ZNF699: variants seen among roughly 807,000 people sequenced by gnomAD.
The protein encoded by ZNF699 is zinc finger protein 699.
Under a neutral mutation model 22.5 loss-of-function variants are expected in ZNF699, and 18 were observed. That is an observed-to-expected ratio of 0.80 (90% confidence interval 0.55 to 1.19). The LOEUF is 1.19. Among genes scored for constraint, ZNF699 ranks in the 50% most tolerant of loss-of-function variants. ZNF699 has a pLI of 0.00. For synonymous variants in ZNF699, 241 were observed against 262.3 expected (o/e 0.92, Z 0.78); for missense variants, 670 against 763.4 (o/e 0.88, Z 1.44).
At position 9,306,092 on chromosome 19, in the gene ZNF699, G is replaced by A. The variant is rs938826938; in HGVS notation, c.-5-968C>T. The stretch of plus-strand genomic sequence containing the variant: ...CTAAATCTGCCTGCACAGTACAGTA[G>A]TAGCAGAATAAGAATACTTGGCCAA... On this transcript the variant is annotated intron_variant, in intron 1 of 5. Transcript: ENST00000591998. 6.0e-5 allele frequency among the ~76,000 whole-genome samples: 9 copies of A among 150,274 alleles called. No homozygotes were observed. In the South Asian group the frequency reaches 2.0e-3, roughly 33 times the overall value.
intron 2 of ZNF699, 151 bp downstream of exon 2, chr19:9,304,921 C>CAAAAAAAA: frequency 1.6e-5 from 5 of 303,370 alleles, no homozygotes; most frequent in East Asian, 6.2e-5. Flanking sequence ...GACTCTGTCT[C>CAAAAAAAA]AAAAAAAAAA....
rs2066279109 is a variant in ZNF699 at position 9,294,963 on chromosome 19, T to C, written c.*512A>G. 6.5e-6 allele frequency: 1 copy of C among 152,804 alleles called. No individual in the cohort carries two copies. The highest frequency in any genetic ancestry group is 1.5e-5 in the Non-Finnish European group (1 of 68,540). 9.5% of individuals were successfully genotyped at this position (152,804 alleles called of 1,614,324 possible). ...TTTTGGTTTGTCAATATTATATTGGTTTGTCAATATTATAACGACTACCCA... is the reference window on the plus strand; with the variant it reads ...TTTTGGTTTGTCAATATTATATTGGCTTGTCAATATTATAACGACTACCCA... On this transcript the variant is annotated 3_prime_UTR_variant, in exon 6 of 6. Transcript: ENST00000591998.
chr19:9,299,025 T>G (rs1004981080), intron 3 of ZNF699, among the ~76,000 whole-genome samples: 4 of 152,340 alleles, frequency 2.6e-5, no homozygotes, highest in Admixed American at 6.5e-5. Flanking sequence ...TTCACAAAAG[T>G]TAACGCAAAA....
Position 9,297,442 on chromosome 19 carries a change from A to G in ZNF699, c.324T>C (p.Ala108=), listed in dbSNP as rs2066291157. The change falls in exon 5 of 6, where the codon GCT becomes GCC. Residue 108 remains alanine (A), a synonymous_variant. Coordinates refer to ENST00000591998, the MANE Select transcript of ZNF699 (RefSeq NM_198535.3). The surrounding 1 kb of genome is among the most constrained non-coding windows in gnomAD (Gnocchi z 4.3). ...ETQLKTNESV[A]SQDICGEKIS... ...TTTTTTCTCCACAAATATCTTGTGAAGCAACTGATTCATTAGTTTTAAGTT... is the reference window on the plus strand; with the variant it reads ...TTTTTTCTCCACAAATATCTTGTGAGGCAACTGATTCATTAGTTTTAAGTT... 6.3e-7 allele frequency: 1 copy of G among 1,586,708 alleles called. No individual in the cohort carries two copies. Among genetic ancestry groups the G allele is most frequent in the Non-Finnish European group, 8.5e-7 (1 of 1,173,966 alleles).
rs1032317379 is a variant in ZNF699, at chr19:9,294,452, G to A, written c.*1023C>T. The A allele has an allele frequency of 3.3e-5, 5 of 152,034 alleles. 1 individual carries two copies. In the South Asian group the frequency reaches 1.0e-3, roughly 32 times the overall value. 9.4% of individuals were successfully genotyped at this position (152,034 alleles called of 1,614,324 possible). A position where few individuals can be genotyped will look rare whatever the true frequency, so the allele number is the denominator to read the frequency against. On this transcript the variant is annotated 3_prime_UTR_variant, in exon 6 of 6. Transcript: ENST00000591998. ...ACGTCCAGCTATAACATTCAGTTTT[G>A]AGCAAATATTGATCAATGAGTCCAA...
At position 9,296,562 on chromosome 19, in the gene ZNF699, C is replaced by A. The variant is rs1267471259; in HGVS notation, c.842G>T (p.Cys281Phe). 6.2e-7 allele frequency: 1 copy of A among 1,614,054 alleles called. No individual in the cohort carries two copies. Among genetic ancestry groups the A allele is most frequent in the African/African-American group, 1.3e-5 (1 of 74,934 alleles). The change falls in exon 6 of 6, where the codon TGT becomes TTT. Residue 281 changes from cysteine to phenylalanine, a missense_variant. Cys to Phe is a radical substitution (Grantham distance 205). Coordinates refer to ENST00000591998, the MANE Select transcript of ZNF699 (RefSeq NM_198535.3). ...ACTAAAACCTTTCCCACATTCTTTACATTCATAGTTTGTCTTTCCGATGTG... is the reference window on the plus strand; with the variant it reads ...ACTAAAACCTTTCCCACATTCTTTAAATTCATAGTTTGTCTTTCCGATGTG... ...KIHIGKTNYECKECGKGFSCS... is the reference protein window; with the variant it reads ...KIHIGKTNYEFKECGKGFSCS...
At position 9,296,089 on chromosome 19, in the gene ZNF699, T is replaced by C; in HGVS notation, c.1315A>G (p.Lys439Glu). 6.2e-7 allele frequency: 1 copy of C among 1,613,900 alleles called. No homozygotes were observed. ...TAGGGTTTCTCTCGACTTTGATTTTTCACATGTGTATTAAGGGAAGTGGGA... is the reference window on the plus strand; with the variant it reads ...TAGGGTTTCTCTCGACTTTGATTTTCCACATGTGTATTAAGGGAAGTGGGA... Reference protein sequence around the residue: ...YLPTSLNTHVKNQSREKPYEC... With the variant: ...YLPTSLNTHVENQSREKPYEC... Residue 439 changes from lysine (K) to glutamate (E), a missense_variant, in exon 6 of 6, where the codon AAA becomes GAA. Lys to Glu is a moderately conservative substitution (Grantham distance 56, BLOSUM62 1). Coordinates refer to ENST00000591998, the MANE Select transcript of ZNF699 (RefSeq NM_198535.3).
chr19:9,297,410 T>C lies in ZNF699; in HGVS notation c.356A>G (p.Asn119Ser). The C allele has an allele frequency of 6.2e-7, 1 of 1,600,038 alleles. No homozygotes were observed. Among genetic ancestry groups the C allele is most frequent in the Non-Finnish European group, 8.5e-7 (1 of 1,177,346 alleles). ...TTTGAATCTTACTATTTTCTGTTCA[T>C]TGGATATTTTTTCTCCACAAATATC... is the stretch of plus-strand genomic sequence containing the variant. ...SQDICGEKIS[N>S]EQKIVRFKRN... The change falls in exon 5 of 6, where the codon AAT becomes AGT. Residue 119 changes from asparagine (N) to serine (S), a missense_variant. Physicochemically the swap from Asn to Ser is conservative, Grantham distance 46. Transcript: ENST00000591998. This position sits in a 1 kb window ranked among gnomAD's most constrained non-coding sequence, Gnocchi z 4.3.
At position 9,291,678 on chromosome 19, in the gene ZNF699, T is replaced by C. The variant is rs1490631317; in HGVS notation, c.*3797A>G. 1 of 152,030 alleles carries C rather than the reference T, an allele frequency of 6.6e-6. No individual in the cohort carries two copies. The highest frequency in any genetic ancestry group is 1.5e-5 in the Non-Finnish European group (1 of 68,018). The allele number at this position is 152,030 out of a possible 1,614,324, so 9.4% of individuals were successfully genotyped here. A position where few individuals can be genotyped will look rare whatever the true frequency, so the allele number is the denominator to read the frequency against. ...ACAGGTGTCAGATCTCAAGTTGATCTTTATGCTCATTAAAGATTAAGCAGC... is the reference window on the plus strand; with the variant it reads ...ACAGGTGTCAGATCTCAAGTTGATCCTTATGCTCATTAAAGATTAAGCAGC... On this transcript the variant is annotated 3_prime_UTR_variant, in exon 6 of 6. Transcript: ENST00000591998.
rs372949683 is a variant in ZNF699 at position 9,297,486 on chromosome 19, C to T, written c.287-7G>A. 71 of 1,544,284 alleles carry T rather than the reference C, an allele frequency of 4.6e-5. 1 individual carries two copies. Among genetic ancestry groups the T allele is most frequent in the South Asian group, 2.0e-4 (16 of 79,958 alleles). On this transcript the variant is annotated splice_polypyrimidine_tract_variant and splice_region_variant and intron_variant, in intron 4 of 5. Transcript: ENST00000591998. This position sits in a 1 kb window ranked among gnomAD's most constrained non-coding sequence, Gnocchi z 4.3. ...TTAAGTTGAGTCTCAAAACCTGAAA[C>T]GAAAAAAAGTGAAAGCTTCCATGAG...
intron 3 of ZNF699, among the ~76,000 whole-genome samples, chr19:9,299,884 A>G (rs929933459): frequency 2.6e-5 from 4 of 152,160 alleles, no homozygotes; most frequent in Admixed American, 2.0e-4. Context: ...AAAAGACAAA[A>G]AAATGAGCCA....
At position 9,300,115 on chromosome 19, in the gene ZNF699, C is replaced by G. The variant is rs746133840; in HGVS notation, c.176-2125G>C. On this transcript the variant is annotated intron_variant, in intron 3 of 5. Transcript: ENST00000591998. ...TTCATTGCTGGCTGGAATGCTCGCT[C>G]TGTCGCCCAGGCTGGAGTGCAGTGG... Among the ~76,000 whole-genome samples, 5 of 152,216 alleles carry G rather than the reference C, an allele frequency of 3.3e-5. No individual in the cohort carries two copies. The South Asian group carries it at 6.2e-4, about 19-fold the overall frequency.
chr19:9,305,099 A>G lies in ZNF699; in HGVS notation c.21T>C (p.Thr7=), dbSNP rs372539684. MEEERK[T]AELQKNRIQD... is the part of the protein sequence containing the mutation. ...GTATTCTATTTTTCTGTAACTCAGC[A>G]GTTTTTCTTTCTTCCTCCATGTCGC... The change falls in exon 2 of 6, where the codon ACT becomes ACC. Residue 7 remains threonine, a synonymous_variant. Coordinates refer to ENST00000591998, the MANE Select transcript of ZNF699 (RefSeq NM_198535.3). The G allele has an allele frequency of 1.1e-5, 18 of 1,613,526 alleles. No individual in the cohort carries two copies. Among genetic ancestry groups the G allele is most frequent in the Non-Finnish European group, 1.4e-5 (17 of 1,179,856 alleles).
In ZNF699 at chr19:9,291,928, C is replaced by G. The variant is rs1272758100; in HGVS notation, c.*3547G>C. ...TGTTGGCCAGGCTGGTCTTAAACTC[C>G]TGACCTCAGGTGATCCGCCCACCTC... On this transcript the variant is annotated 3_prime_UTR_variant, in exon 6 of 6. Coordinates refer to ENST00000591998, the MANE Select transcript of ZNF699 (RefSeq NM_198535.3). Among the ~76,000 whole-genome samples, 1 of 152,062 alleles carries G rather than the reference C, an allele frequency of 6.6e-6. No homozygotes were observed. The highest frequency in any genetic ancestry group is 1.5e-5 in the Non-Finnish European group (1 of 68,002).
intron 3 of ZNF699, among the ~76,000 whole-genome samples, chr19:9,300,042 T>G (rs926683489): frequency 6.6e-6 from 1 of 151,936 alleles, no homozygotes; most frequent in African/African-American, 2.4e-5. Context: ...ATCCTGAACA[T>G]TCACAACAAC....
intron 2 of ZNF699, among the ~76,000 whole-genome samples, chr19:9,302,866 T>G (rs2066312973): frequency 6.6e-6 from 1 of 151,958 alleles, no homozygotes; most frequent in African/African-American, 2.4e-5. Context: ...CTACTAAAAT[T>G]TTTTTAAAAA....
chr19:9,297,769 G>C lies in ZNF699; in HGVS notation c.286+111C>G. On this transcript the variant is annotated intron_variant, in intron 4 of 5. Transcript: ENST00000591998. This position sits in a 1 kb window ranked among gnomAD's most constrained non-coding sequence, Gnocchi z 4.3. ...TGATAAAAAGTCAAAATAGTCATCT[G>C]AGCTATCTGTGGAAGATGAGCTTCC... is the stretch of plus-strand genomic sequence containing the variant. The C allele has an allele frequency of 1.3e-6, 1 of 794,274 alleles. No individual in the cohort carries two copies. The highest frequency in any genetic ancestry group is 2.3e-5 in the Admixed American group (1 of 43,758). 49.2% of individuals were successfully genotyped at this position (794,274 alleles called of 1,614,324 possible). A position where few individuals can be genotyped will look rare whatever the true frequency, so the allele number is the denominator to read the frequency against.
Position 9,293,975 on chromosome 19 carries a change from A to G in ZNF699, c.*1500T>C, listed in dbSNP as rs1286577193. ...AAATCTTTCCTGTTTAAAGGTGTCA[A>G]GTATAAATCTTCCTCCATTAAAACA... is the stretch of plus-strand genomic sequence containing the variant. On this transcript the variant is annotated 3_prime_UTR_variant, in exon 6 of 6. Transcript: ENST00000591998. Among the ~76,000 whole-genome samples the G allele has an allele frequency of 6.6e-6, 1 of 151,744 alleles. No homozygotes were observed. The highest frequency in any genetic ancestry group is 1.9e-4 in the East Asian group (1 of 5,186).
rs1464277032 is a variant in ZNF699 at position 9,292,477 on chromosome 19, C to T, written c.*2998G>A. ...CTGGGGCCATCTATGAAGAGACAAC[C>T]TGCTTGGAAGAAACACTAATGCAGG... On this transcript the variant is annotated 3_prime_UTR_variant, in exon 6 of 6. Transcript: ENST00000591998. Among the ~76,000 whole-genome samples the T allele has an allele frequency of 6.6e-6, 1 of 152,132 alleles. No individual in the cohort carries two copies. Among genetic ancestry groups the T allele is most frequent in the African/African-American group, 2.4e-5 (1 of 41,418 alleles).
Sources: gnomAD v4.1 joint callset for allele counts (sites outside exome capture counted in the v4.1 genomes callset) on GRCh38, gnomAD v4.1.1 for gene constraint, Gnocchi (gnomAD v3.1) non-coding constraint, MANE v1.5 for transcripts, NCBI Gene and HGNC (gene_info 2026-07-23, HGNC 2026-07-21) for gene names.